The following GABRA2 variants were observed in gnomAD, a reference collection of about 807,000 sequenced individuals.
The protein encoded by GABRA2 is gamma-aminobutyric acid type A receptor subunit alpha2.
Under a neutral mutation model 48.7 loss-of-function variants are expected in GABRA2, and 16 were observed. The observed-to-expected ratio is 0.33, with a 90% confidence interval of 0.22 to 0.50. The LOEUF (loss-of-function observed/expected upper bound fraction) is 0.50. Ranked by LOEUF, GABRA2 falls within the 20% of genes least tolerant of loss-of-function variation. The probability of loss-of-function intolerance (pLI) is 0.98; values close to 1 mark genes in which losing one functional copy is unlikely to be tolerated. For synonymous variants in GABRA2, 185 were observed against 184.5 expected (o/e 1.00, Z -0.02); for missense variants, 275 against 535.6 (o/e 0.51, Z 4.80).
At chr4:46,264,138 T>C (rs1454012558) in intron 8 of GABRA2, among the ~76,000 whole-genome samples, 1 of 127,174 alleles carries the variant, frequency 7.9e-6, no homozygotes, top group Non-Finnish European at 1.6e-5. Context: ...TCATTGCTTA[T>C]GTACAAAAAC....
intron 9 of GABRA2, among the ~76,000 whole-genome samples, chr4:46,255,149 A>G (rs936582362): frequency 6.6e-6 from 1 of 151,648 alleles, no homozygotes; most frequent in African/African-American, 2.4e-5. Context: ...TTGAAGGCAC[A>G]GACTGTGTAT....
chr4:46,386,854 C>T, intron 2 of GABRA2: 1 of 152,146 alleles, frequency 6.6e-6, no homozygotes, highest in East Asian at 1.9e-4. Flanking sequence ...ATCCTTAGAG[C>T]CTAGTTCTTC....
intron 1 of GABRA2, 86 bp downstream of exon 1, chr4:46,389,649 A>T: frequency 1.3e-6 from 1 of 780,024 alleles, no homozygotes; most frequent in Non-Finnish European, 1.6e-6. Context: ...AGCCTCTGAA[A>T]GTGGGGTGGG....
chr4:46,303,240 T>G (rs1726058376), intron 8 of GABRA2: 1 of 505,618 alleles, frequency 2.0e-6, no homozygotes, highest in Admixed American at 3.7e-5. Context: ...AGACTAAGTG[T>G]GTTTTAAGAA....
At chr4:46,272,919 A>G (rs1358304193) in intron 8 of GABRA2, among the ~76,000 whole-genome samples, 1 of 151,962 alleles carries the variant, frequency 6.6e-6, no homozygotes, top group Admixed American at 6.6e-5. Context: ...ATTATAATGT[A>G]AGTTCTGGGG....
chr4:46,362,019 G>A (rs1713281316), intron 3 of GABRA2, among the ~76,000 whole-genome samples: 2 of 152,186 alleles, frequency 1.3e-5, no homozygotes, highest in Admixed American at 6.5e-5. Flanking sequence ...CTAATAGGAG[G>A]AATTGACTTA....
rs1372398572 is a variant in GABRA2, at chr4:46,245,374, G to T, written c.*4934C>A. ...TCCGTTGAGAAACCTGGCATTCAAA[G>T]ATGTTTCTATTCTATCTCATGAAGC... On this transcript the variant is annotated 3_prime_UTR_variant, in exon 10 of 10. Transcript: ENST00000381620. 6.6e-6 allele frequency among the ~76,000 whole-genome samples: 1 copy of T among 151,144 alleles called. No homozygotes were observed. Among genetic ancestry groups the T allele is most frequent in the African/African-American group, 2.4e-5 (1 of 41,326 alleles).
At chr4:46,330,169 A>G (rs1356049410) in intron 4 of GABRA2, among the ~76,000 whole-genome samples, 1 of 152,118 alleles carries the variant, frequency 6.6e-6, no homozygotes. Flanking sequence ...TAGTGTGAGT[A>G]TATTTTAATG....
At chr4:46,317,487 A>C (rs942279110) in intron 4 of GABRA2, among the ~76,000 whole-genome samples, 1 of 151,856 alleles carries the variant, frequency 6.6e-6, no homozygotes, top group South Asian at 2.1e-4. Context: ...CATGTTTATA[A>C]GGCATTCTAT....
At chr4:46,292,566 G>A (rs1207210509) in intron 8 of GABRA2, among the ~76,000 whole-genome samples, 1 of 152,124 alleles carries the variant, frequency 6.6e-6, no homozygotes, top group Non-Finnish European at 1.5e-5. Flanking sequence ...TGTCGATTTG[G>A]GCGCACTAAG....
chr4:46,333,938 G>A (rs2109819454), intron 3 of GABRA2, among the ~76,000 whole-genome samples: 1 of 152,116 alleles, frequency 6.6e-6, no homozygotes, highest in Admixed American at 6.5e-5. Context: ...ACAGTAGTTT[G>A]TTTCTTATTA....
In GABRA2 at chr4:46,243,556, A is replaced by C. The variant is rs1713144956; in HGVS notation, c.*6752T>G. The C allele has an allele frequency of 6.6e-6, 1 of 151,634 alleles. No homozygotes were observed. Among genetic ancestry groups the C allele is most frequent in the Non-Finnish European group, 1.5e-5 (1 of 67,678 alleles). 9.4% of individuals were successfully genotyped at this position (151,634 alleles called of 1,614,324 possible). A position where few individuals can be genotyped will look rare whatever the true frequency, so the allele number is the denominator to read the frequency against. On this transcript the variant is annotated 3_prime_UTR_variant, in exon 10 of 10. Coordinates refer to ENST00000381620, the MANE Select transcript of GABRA2 (RefSeq NM_000807.4). ...ACAATTTTCAGAGCAAATATATTTA[A>C]ATCATTTTTAATAAATACAAAAAAG...
intron 4 of GABRA2, among the ~76,000 whole-genome samples, chr4:46,313,347 A>T (rs1728002199): frequency 6.6e-6 from 1 of 151,998 alleles, no homozygotes; most frequent in Non-Finnish European, 1.5e-5. Context: ...AGAACATGAT[A>T]TTGTTAGCAA....
At chr4:46,298,688 A>G (rs1725193714) in intron 8 of GABRA2, among the ~76,000 whole-genome samples, 1 of 151,978 alleles carries the variant, frequency 6.6e-6, no homozygotes, top group African/African-American at 2.4e-5. Context: ...GCATGTATGA[A>G]AAATTACCAT....
intron 4 of GABRA2, among the ~76,000 whole-genome samples, chr4:46,330,222 T>C (rs1731097032): frequency 1.3e-5 from 2 of 152,176 alleles, no homozygotes; most frequent in Admixed American, 6.6e-5. Flanking sequence ...TAAGAAAGCA[T>C]ATCTTGAGTC....
At chr4:46,352,818 T>C (rs775544567) in intron 3 of GABRA2, among the ~76,000 whole-genome samples, 17 of 152,102 alleles carry the variant, frequency 1.1e-4, no homozygotes, top group South Asian at 2.1e-4. Context: ...GGAGAATGTC[T>C]ATGGTAAAGT....
chr4:46,312,387 G>C (rs1306813585), intron 5 of GABRA2, 109 bp downstream of exon 5: 1 of 692,294 alleles, frequency 1.4e-6, no homozygotes, highest in Non-Finnish European at 2.5e-6. Context: ...TCAATAATCT[G>C]TTAGAAAACA....
intron 3 of GABRA2, among the ~76,000 whole-genome samples, chr4:46,336,903 T>C (rs1363036848): frequency 6.6e-6 from 1 of 152,170 alleles, no homozygotes; most frequent in Non-Finnish European, 1.5e-5. Context: ...CCTGAAAAGA[T>C]ATCCAAAATG....
intron 4 of GABRA2, among the ~76,000 whole-genome samples, chr4:46,328,627 A>G (rs1730805312): frequency 2.0e-5 from 3 of 151,864 alleles, no homozygotes; most frequent in Admixed American, 6.6e-5. Flanking sequence ...TCATGATAAC[A>G]TTCTTTTTTT....
Sources: gnomAD v4.1 joint callset for allele counts (sites outside exome capture counted in the v4.1 genomes callset) on GRCh38, gnomAD v4.1.1 for gene constraint, MANE v1.5 for transcripts, NCBI Gene and HGNC (gene_info 2026-07-23, HGNC 2026-07-21) for gene names.